KIF27: variants seen among roughly 807,000 people sequenced by gnomAD.
KIF27 encodes kinesin family member 27.
KIF27 carries 84 observed loss-of-function variants against 141.8 expected under a neutral mutation model. The observed-to-expected ratio is 0.59, with a 90% confidence interval of 0.50 to 0.71. The LOEUF is 0.71. KIF27 is among the 30% of genes least tolerant of loss of function. The probability of loss-of-function intolerance (pLI) is 0.00; values close to 1 mark genes in which losing one functional copy is unlikely to be tolerated. For missense variants in KIF27, 1,306 were observed against 1,628.4 expected, an observed-to-expected ratio of 0.80 and a Z score of 3.41; for synonymous variants, 471 against 569.5, an observed-to-expected ratio of 0.83 and a Z score of 2.46.
chr9:83,881,816 A>C (rs564353227), intron 10 of KIF27, among the ~76,000 whole-genome samples: 1 of 152,338 alleles, frequency 6.6e-6, no homozygotes, highest in South Asian at 2.1e-4. Flanking sequence ...TAATATTAAA[A>C]ATATCAGTGT....
chr9:83,848,295 G>GATATGATATATATGATATATCAT (rs796710453), intron 16 of KIF27, among the ~76,000 whole-genome samples: 10,115 of 61,314 alleles, frequency 0.16, 1,992 homozygotes, highest in East Asian at 0.34. Context: ...TGATATATCA[G>GATATGATATATATGATATATCAT]ATATGATATA....
chr9:83,918,234 C>T (rs1377830379), intron 1 of KIF27, among the ~76,000 whole-genome samples: 1 of 147,780 alleles, frequency 6.8e-6, no homozygotes, highest in African/African-American at 2.5e-5. Flanking sequence ...GTATCTGCAC[C>T]ACTGCACTAT....
rs573507332 is a variant in KIF27, at chr9:83,886,500, CTAA to C, written c.2239+538_2239+540del. Reference sequence around the variant, plus strand: ...CTTGAATAGCAGCTGCTTCTGCCAACTAATAATAACAGGACTATATTTTATCTA... The same window carrying C: ...CTTGAATAGCAGCTGCTTCTGCCAACTAATAACAGGACTATATTTTATCTA... On this transcript the variant is annotated intron_variant, in intron 9 of 17. Transcript: ENST00000297814. Among the ~76,000 whole-genome samples, 50 of 152,090 alleles carry C rather than the reference CTAA, an allele frequency of 3.3e-4. No individual in the cohort carries two copies. The South Asian group carries it at 0.01, about 32-fold the overall frequency.
intron 17 of KIF27, among the ~76,000 whole-genome samples, chr9:83,838,401 T>G (rs568106587): frequency 1.2e-3 from 189 of 152,210 alleles, no homozygotes; most frequent in African/African-American, 4.4e-3. Flanking sequence ...GCCCGGCGAA[T>G]TTTTTGTATT....
intron 3 of KIF27, among the ~76,000 whole-genome samples, chr9:83,904,402 G>C (rs766092884): frequency 7.3e-5 from 11 of 151,506 alleles, no homozygotes; most frequent in Non-Finnish European, 8.8e-5. Flanking sequence ...ACGGAGTCTC[G>C]GCCTGTTGCC....
chr9:83,891,154 T>C, intron 6 of KIF27, 141 bp downstream of exon 6: 1 of 597,086 alleles, frequency 1.7e-6, no homozygotes, highest in Non-Finnish European at 3.0e-6. Context: ...GAAAGAAGTA[T>C]GCTTAAAAGA....
At position 83,908,465 on chromosome 9, in the gene KIF27, T is replaced by A. The variant is rs923880280; in HGVS notation, c.486A>T (p.Glu162Asp). 6.2e-7 allele frequency: 1 copy of A among 1,606,570 alleles called. No homozygotes were observed. The highest frequency in any genetic ancestry group is 1.7e-5 in the Admixed American group (1 of 59,418). Residue 162 changes from glutamate to aspartate, a missense_variant, in exon 3 of 18, where the codon GAA (glutamate) becomes GAT (aspartate). Physicochemically the swap from Glu to Asp is conservative, Grantham distance 45. Around this residue, in one of 4 missense-constraint regions of KIF27, gnomAD observed 533 missense variants for 565.6 expected, o/e 0.94. Transcript: ENST00000297814. The stretch of plus-strand genomic sequence containing the variant: ...GTGCTACTTTACCTGTGTTTCCTTT[T>A]TCATCTTCTCGGATGTGAAGATCCT... The part of the protein sequence containing the change: ...SMKDLHIRED[E>D]KGNTVIVGAK...
rs1952656801 is a variant in KIF27 at position 83,891,332 on chromosome 9, T to C, written c.1772A>G (p.His591Arg). 1 of 1,613,336 alleles carries C rather than the reference T, an allele frequency of 6.2e-7. No homozygotes were observed. ...TTGTCTTGATGGGATATAAATATAA[T>C]GCCCCAAATGAGTATCAAATGGTAC... ...YTVPFDTHLG[H>R]YIYIPSRQDS... The change falls in exon 6 of 18, where the codon CAT (histidine) becomes CGT (arginine). Residue 591 changes from histidine (H) to arginine (R), a missense_variant. This residue lies in a region of KIF27 where 596 missense variants were observed against 751.6 expected (regional missense o/e 0.79). Coordinates refer to ENST00000297814, the MANE Select transcript of KIF27 (RefSeq NM_017576.4).
chr9:83,872,885 A>G (rs1225321346), intron 11 of KIF27, among the ~76,000 whole-genome samples: 1 of 152,214 alleles, frequency 6.6e-6, no homozygotes, highest in Non-Finnish European at 1.5e-5. Flanking sequence ...TGCAGTGCAG[A>G]AGCCCCACAC....
chr9:83,853,981 T>C (rs1948901032), intron 14 of KIF27, 146 bp from the exon 15 acceptor site: 1 of 632,358 alleles, frequency 1.6e-6, no homozygotes, highest in Non-Finnish European at 2.8e-6. Context: ...GAGCGCTTGC[T>C]ATGCCACATA....
chr9:83,886,858 C>T (rs1357988304), intron 9 of KIF27, among the ~76,000 whole-genome samples, 183 bp downstream of exon 9: 4 of 152,242 alleles, frequency 2.6e-5, no homozygotes, highest in Non-Finnish European at 5.9e-5. Flanking sequence ...GGTGAAATCC[C>T]AAAACAACAA....
At chr9:83,912,233 A>G (rs1955243430) in intron 2 of KIF27, among the ~76,000 whole-genome samples, 1 of 152,220 alleles carries the variant, frequency 6.6e-6, no homozygotes, top group African/African-American at 2.4e-5. Context: ...GAGTTGACTT[A>G]CAAATGAAAC....
chr9:83,848,341 C>A lies in KIF27; in HGVS notation c.3556+1758G>T. ...CATATATCTATATATCTATATATAT[C>A]TATGTATCTATATATATCTACATAT... On this transcript the variant is annotated intron_variant, in intron 16 of 17. Transcript: ENST00000297814. 1.6e-5 allele frequency among the ~76,000 whole-genome samples: 2 copies of A among 126,656 alleles called. 1 individual carries two copies. The highest frequency in any genetic ancestry group is 3.2e-5 in the Non-Finnish European group (2 of 63,444). The allele number at this position is 126,656 out of a possible 152,430, so 83.1% of individuals were successfully genotyped here. A position where few individuals can be genotyped will look rare whatever the true frequency, so the allele number is the denominator to read the frequency against.
At chr9:83,870,870 T>G (rs1048257170) in intron 11 of KIF27, among the ~76,000 whole-genome samples, 1 of 151,976 alleles carries the variant, frequency 6.6e-6, no homozygotes, top group Non-Finnish European at 1.5e-5. Context: ...TAGATGACAG[T>G]TGGGGCTCTA....
chr9:83,853,677 G>A lies in KIF27; in HGVS notation c.3309C>T (p.Cys1103=), dbSNP rs143627829. 55 of 1,613,732 alleles carry A rather than the reference G, an allele frequency of 3.4e-5. 1 individual carries two copies. In the East Asian group the frequency reaches 1.2e-3, roughly 35 times the overall value. Reference sequence around the variant, plus strand: ...TAGTTCTAATCTCAACAGGACTCAGGCAAGCTAGCTTTTCCAAGACATTTG... The same window carrying A: ...TAGTTCTAATCTCAACAGGACTCAGACAAGCTAGCTTTTCCAAGACATTTG... The part of the protein sequence containing the change: ...GEANVLEKLA[C]LSPVEIRTIL... The change falls in exon 15 of 18, where the codon TGC becomes TGT. Residue 1103 remains cysteine, a synonymous_variant. Coordinates refer to ENST00000297814, the MANE Select transcript of KIF27 (RefSeq NM_017576.4).
rs1955599342 is a variant in KIF27 at position 83,915,526 on chromosome 9, A to T, written c.66T>A (p.His22Gln). ...IRPLLCKEAL[H>Q]NHQVCVRVIP... ...TAACTCTCACACAAACTTGATGATT[A>T]TGAAGAGCTTCTTTGCAAAGCAGAG... Residue 22 changes from histidine (H) to glutamine (Q), a missense_variant, in exon 2 of 18, where the codon CAT becomes CAA. His to Gln is a conservative substitution (Grantham distance 24). Transcript: ENST00000297814. The T allele has an allele frequency of 1.2e-6, 2 of 1,613,852 alleles. No individual in the cohort carries two copies. The highest frequency in any genetic ancestry group is 4.5e-5 in the East Asian group (2 of 44,858).
At position 83,852,390 on chromosome 9, in the gene KIF27, T is replaced by G. The variant is rs192026243; in HGVS notation, c.3357+1239A>C. ...ATGGCGTGAACCTGGGAGGCAGAGC[T>G]TGCACTGAGCCGAGATCACGCCACT... On this transcript the variant is annotated intron_variant, in intron 15 of 17. Transcript: ENST00000297814. 2.0e-3 allele frequency among the ~76,000 whole-genome samples: 307 copies of G among 150,684 alleles called. 1 individual carries two copies. Among genetic ancestry groups the G allele is most frequent in the African/African-American group, 7.1e-3 (290 of 40,896 alleles).
At chr9:83,911,059 CT>C (rs553058365) in intron 2 of KIF27, among the ~76,000 whole-genome samples, 1 of 152,062 alleles carries the variant, frequency 6.6e-6, no homozygotes, top group Admixed American at 6.6e-5. Context: ...GATTCCACTT[CT>C]TTTTTTCTTT....
intron 17 of KIF27, among the ~76,000 whole-genome samples, chr9:83,838,028 A>T (rs2131437273): frequency 6.6e-6 from 1 of 152,330 alleles, no homozygotes; most frequent in East Asian, 1.9e-4. Context: ...GAGATGAGAG[A>T]ATATGCCCTT....
Sources: allele counts gnomAD v4.1 joint callset (sites outside exome capture counted in the v4.1 genomes callset), GRCh38; gene constraint gnomAD v4.1.1; regional missense constraint gnomAD v4.1.1; transcripts MANE v1.5; gene names NCBI Gene and HGNC (gene_info 2026-07-23, HGNC 2026-07-21).